DCLK1: variants seen among roughly 807,000 people sequenced by gnomAD.
DCLK1 encodes the protein doublecortin like kinase 1, also known as serine/threonine-protein kinase DCLK1.
DCLK1 carries 16 observed loss-of-function variants against 86.2 expected under a neutral mutation model. That is an observed-to-expected ratio of 0.19 (90% confidence interval 0.13 to 0.28). The LOEUF is 0.28. Ranked by LOEUF, DCLK1 falls within the 10% of genes least tolerant of loss-of-function variation. DCLK1 has a pLI of 1.00. For missense variants in DCLK1, 590 were observed against 940.2 expected (o/e 0.63, Z 4.87); for synonymous variants, 369 against 370.5 (o/e 1.00, Z 0.05).
intron 3 of DCLK1, among the ~76,000 whole-genome samples, chr13:35,985,657 C>A (rs1879866970): frequency 6.6e-6 from 1 of 152,212 alleles, no homozygotes; most frequent in African/African-American, 2.4e-5. Context: ...AGGTCCTTGG[C>A]AGCCTTGGCC....
chr13:35,990,115 C>T (rs2153143580), intron 3 of DCLK1, among the ~76,000 whole-genome samples: 1 of 152,176 alleles, frequency 6.6e-6, no homozygotes, highest in African/African-American at 2.4e-5. Context: ...TATTTGTGGT[C>T]CTAGGTCCTA....
chr13:35,941,514 G>C (rs1446233665), intron 4 of DCLK1, among the ~76,000 whole-genome samples: 6 of 152,190 alleles, frequency 3.9e-5, no homozygotes, highest in Non-Finnish European at 7.3e-5. Context: ...CTGGTGCAGG[G>C]AGAAGCAGAA....
intron 3 of DCLK1, among the ~76,000 whole-genome samples, chr13:35,958,967 C>T (rs1371743425): frequency 2.6e-5 from 4 of 151,944 alleles, no homozygotes; most frequent in Non-Finnish European, 5.9e-5. Flanking sequence ...CTAAACACAG[C>T]TAATAAAAGG....
At chr13:35,911,847 A>C (rs1032056000) in intron 4 of DCLK1, among the ~76,000 whole-genome samples, 2 of 152,176 alleles carry the variant, frequency 1.3e-5, no homozygotes, top group African/African-American at 4.8e-5. Flanking sequence ...ATCTGGCCCC[A>C]GCAGTGGGCT....
intron 6 of DCLK1, among the ~76,000 whole-genome samples, chr13:35,840,129 A>G (rs917759782): frequency 6.6e-5 from 10 of 152,250 alleles, no homozygotes; most frequent in South Asian, 2.1e-4. Flanking sequence ...GAGAGAAGGG[A>G]AAGAGCATCT....
intron 5 of DCLK1, among the ~76,000 whole-genome samples, chr13:35,869,690 G>A (rs1872132998): frequency 6.6e-6 from 1 of 152,196 alleles, no homozygotes; most frequent in Non-Finnish European, 1.5e-5. Flanking sequence ...GAGGGCTTGG[G>A]AAATTCCAAT....
At position 35,772,418 on chromosome 13, in the gene DCLK1, T is replaced by A. The variant is rs1264360591; in HGVS notation, c.*2117A>T. ...TCTGCCCATTGCATTCTTCACACTT[T>A]TAGAGTTGAGGCCAGGCTGTAGAGC... is the stretch of plus-strand genomic sequence containing the variant. On this transcript the variant is annotated 3_prime_UTR_variant, in exon 17 of 17. Coordinates refer to ENST00000360631, the MANE Select transcript of DCLK1 (RefSeq NM_001330071.2). The A allele has an allele frequency of 6.6e-6, 1 of 152,178 alleles. No homozygotes were observed. The highest frequency in any genetic ancestry group is 2.4e-5 in the African/African-American group (1 of 41,442). The allele number at this position is 152,178 out of a possible 1,614,324, so 9.4% of individuals were successfully genotyped here.
intron 3 of DCLK1, among the ~76,000 whole-genome samples, chr13:35,978,788 A>G (rs2153141149): frequency 6.6e-6 from 1 of 152,212 alleles, no homozygotes; most frequent in South Asian, 2.1e-4. Context: ...TTTTTTCTGT[A>G]AGGCCCCATT....
intron 4 of DCLK1, among the ~76,000 whole-genome samples, chr13:35,931,503 T>C (rs768597457): frequency 1.2e-4 from 18 of 152,194 alleles, no homozygotes; most frequent in Non-Finnish European, 2.2e-4. Flanking sequence ...TAATCATGCT[T>C]AGGCTGTATT....
In DCLK1 at chr13:35,808,992, G is replaced by C. The variant is rs377160426; in HGVS notation, c.1766+26C>G. The C allele has an allele frequency of 6.9e-6, 11 of 1,599,892 alleles. No individual in the cohort carries two copies. The Admixed American group carries it at 1.2e-4, about 17-fold the overall frequency. ...GAGAGTAGAGAAATGCTTTGTCGGC[G>C]CTGAATAAAAGATTGTTGCCCATAC... On this transcript the variant is annotated intron_variant, in intron 13 of 16. Coordinates refer to ENST00000360631, the MANE Select transcript of DCLK1 (RefSeq NM_001330071.2).
chr13:36,071,369 T>C (rs1883969242), intron 3 of DCLK1, among the ~76,000 whole-genome samples: 1 of 152,176 alleles, frequency 6.6e-6, no homozygotes, highest in Non-Finnish European at 1.5e-5. Flanking sequence ...TTTATAAATA[T>C]CTCATTTAAG....
At chr13:36,092,448 T>C (rs1285757195) in intron 3 of DCLK1, among the ~76,000 whole-genome samples, 1 of 151,550 alleles carries the variant, frequency 6.6e-6, no homozygotes, top group Admixed American at 6.6e-5. Flanking sequence ...TCTACCCTGC[T>C]GCCCAAGGCA....
chr13:36,111,980 C>G lies in DCLK1; in HGVS notation c.612G>C (p.Leu204=). 6.2e-7 allele frequency: 1 copy of G among 1,614,248 alleles called. No individual in the cohort carries two copies. The highest frequency in any genetic ancestry group is 8.5e-7 in the Non-Finnish European group (1 of 1,180,042). The change falls in exon 3 of 17, where the codon CTG becomes CTC. Residue 204 remains leucine (L), a synonymous_variant. Transcript: ENST00000360631. ...GVKPRKAVRI[L]LNKKTAHSFE... Reference sequence around the variant, plus strand: ...AGGAATGAGCCGTTTTCTTGTTCAGCAGAATCCTGACAGCTTTCCGTGGCT... The same window carrying G: ...AGGAATGAGCCGTTTTCTTGTTCAGGAGAATCCTGACAGCTTTCCGTGGCT...
chr13:35,818,631 G>A (rs2087322894), intron 11 of DCLK1, among the ~76,000 whole-genome samples: 1 of 152,140 alleles, frequency 6.6e-6, no homozygotes, highest in Non-Finnish European at 1.5e-5. Flanking sequence ...AGTTTGGTTA[G>A]TAAAGATTTA....
intron 3 of DCLK1, among the ~76,000 whole-genome samples, chr13:35,989,412 CA>C (rs113749647): frequency 0.035 from 5,299 of 152,086 alleles, 214 homozygotes; most frequent in East Asian, 0.22. Flanking sequence ...TCTGGGATTA[CA>C]GGTGCTCACC....
At chr13:36,026,271 GA>G (rs1239916660) in intron 3 of DCLK1, among the ~76,000 whole-genome samples, 2 of 152,130 alleles carry the variant, frequency 1.3e-5, no homozygotes, top group Non-Finnish European at 2.9e-5. Flanking sequence ...CTAGAGCAGT[GA>G]ATATTGAAAG....
intron 4 of DCLK1, among the ~76,000 whole-genome samples, chr13:35,923,184 T>A (rs1010081979): frequency 6.6e-6 from 1 of 151,516 alleles, no homozygotes; most frequent in Non-Finnish European, 1.5e-5. Context: ...TCTCCCAGGG[T>A]TGTGCACTGA....
intron 15 of DCLK1, among the ~76,000 whole-genome samples, chr13:35,800,729 G>T (rs2086901927): frequency 6.6e-6 from 1 of 151,632 alleles, no homozygotes; most frequent in Non-Finnish European, 1.5e-5. Flanking sequence ...TTGTTTGTTT[G>T]TTTTTTGAGA....
chr13:35,856,395 T>G (rs1871059993), intron 5 of DCLK1, among the ~76,000 whole-genome samples: 1 of 152,212 alleles, frequency 6.6e-6, no homozygotes, highest in Non-Finnish European at 1.5e-5. Flanking sequence ...GATGCCTTAC[T>G]GGTTGGCTGG....
Sources: allele counts gnomAD v4.1 joint callset (sites outside exome capture counted in the v4.1 genomes callset), GRCh38; gene constraint gnomAD v4.1.1; transcripts MANE v1.5; gene names NCBI Gene and HGNC (gene_info 2026-07-23, HGNC 2026-07-21).